The following DMD variants were observed in gnomAD, a reference collection of about 807,000 sequenced individuals.
DMD encodes the protein mutant dystrophin.
DMD carries 63 observed loss-of-function variants against 330.1 expected under a neutral mutation model. The observed-to-expected ratio is 0.19, with a 90% CI of 0.16 to 0.24. The LOEUF is 0.24. DMD is among the 10% of genes least tolerant of loss of function. DMD has a pLI of 1.00. For synonymous variants in DMD, 1,223 were observed against 959.8 expected (o/e 1.27, Z -5.07); for missense variants, 3,344 against 2,684.1 (o/e 1.25, Z -5.43).
intron 55 of DMD, among the ~76,000 whole-genome samples, chrX:31,510,668 T>G (rs781773135): frequency 9.2e-6 from 1 of 108,969 alleles, no homozygotes; most frequent in Non-Finnish European, 1.9e-5. Context: ...CCACCACGCC[T>G]GGCTAATTTT....
At chrX:33,298,230 T>C (rs2053611513) in intron 1 of DMD, among the ~76,000 whole-genome samples, 1 of 111,173 alleles carries the variant, frequency 9.0e-6, no homozygotes, top group South Asian at 3.8e-4. Context: ...AAATAGTTCC[T>C]TCATGTTTTA....
At chrX:31,679,245 T>A in intron 53 of DMD, 130 bp downstream of exon 53, 3 of 617,667 alleles carry the variant, frequency 4.9e-6, no homozygotes, top group East Asian at 3.6e-5. Flanking sequence ...CAAAGTCTAC[T>A]GTTCATTTCA....
intron 1 of DMD, among the ~76,000 whole-genome samples, chrX:33,160,809 G>T (rs1490575137): frequency 9.0e-6 from 1 of 111,340 alleles, no homozygotes; most frequent in African/African-American, 3.3e-5. Flanking sequence ...TTGCCTGCCG[G>T]TGATGATCTA....
intron 47 of DMD, among the ~76,000 whole-genome samples, chrX:31,922,660 G>A (rs907674491): frequency 9.0e-6 from 1 of 111,229 alleles, no homozygotes; most frequent in Non-Finnish European, 1.9e-5. Context: ...CCTGCTGTTT[G>A]GTGTATGGGG....
At chrX:32,726,992 T>TA (rs938152171) in intron 7 of DMD, among the ~76,000 whole-genome samples, 3 of 110,620 alleles carry the variant, frequency 2.7e-5, no homozygotes, top group African/African-American at 9.8e-5. Context: ...GGTAGATTCA[T>TA]AAAGACCTTT....
chrX:31,133,555 C>A (rs1372943403), intron 77 of DMD, among the ~76,000 whole-genome samples: 1 of 111,772 alleles, frequency 8.9e-6, no homozygotes, highest in Non-Finnish European at 1.9e-5. Flanking sequence ...GCCTGTATTT[C>A]CTCTATCGAA....
chrX:32,525,879 T>A (rs1485825704), intron 17 of DMD, among the ~76,000 whole-genome samples: 1 of 112,158 alleles, frequency 8.9e-6, no homozygotes, highest in African/African-American at 3.2e-5. Flanking sequence ...AGGAAAACAC[T>A]GAAGACTTAT....
chrX:33,010,403 G>A (rs903075311), intron 2 of DMD, among the ~76,000 whole-genome samples: 7 of 107,647 alleles, frequency 6.5e-5, no homozygotes, highest in Non-Finnish European at 1.3e-4. Flanking sequence ...AATAGGTATA[G>A]GTTGAGCCTC....
intron 7 of DMD, among the ~76,000 whole-genome samples, chrX:32,706,962 C>A (rs1450010212): frequency 9.1e-6 from 1 of 110,292 alleles, no homozygotes; most frequent in Non-Finnish European, 1.9e-5. Flanking sequence ...TATGGTGGTG[C>A]ATGCCTGTAA....
chrX:31,892,025 T>C (rs1366597358), intron 47 of DMD, among the ~76,000 whole-genome samples: 1 of 112,441 alleles, frequency 8.9e-6, no homozygotes, highest in Non-Finnish European at 1.9e-5. Flanking sequence ...GGACACTTTG[T>C]AGCCAGTATG....
intron 43 of DMD, among the ~76,000 whole-genome samples, chrX:32,254,346 C>CT (rs2148216264): frequency 8.9e-6 from 1 of 112,126 alleles, no homozygotes; most frequent in South Asian, 3.7e-4. Context: ...CTGGCCTATT[C>CT]TTTTTTGTTT....
chrX:31,608,971 A>G (rs1013008155), intron 55 of DMD, among the ~76,000 whole-genome samples: 2 of 112,114 alleles, frequency 1.8e-5, no homozygotes, highest in African/African-American at 6.5e-5. Flanking sequence ...AGCAGATGAT[A>G]TATTGTGGAA....
intron 45 of DMD, among the ~76,000 whole-genome samples, chrX:31,945,548 C>G (rs759711691): frequency 8.9e-6 from 1 of 111,886 alleles, no homozygotes; most frequent in South Asian, 3.8e-4. Flanking sequence ...GGGCCAGGCA[C>G]TATACTATTT....
intron 9 of DMD, among the ~76,000 whole-genome samples, chrX:32,645,757 G>T (rs1012128663): frequency 8.9e-6 from 1 of 112,216 alleles, no homozygotes; most frequent in African/African-American, 3.2e-5. Context: ...GATTTAAATA[G>T]TAAGACATTA....
intron 1 of DMD, among the ~76,000 whole-genome samples, chrX:33,032,566 T>C (rs1271631602): frequency 8.9e-6 from 1 of 112,136 alleles, no homozygotes; most frequent in Non-Finnish European, 1.9e-5. Context: ...AAATGAAGTA[T>C]TAAAAGCTTT....
intron 29 of DMD, among the ~76,000 whole-genome samples, chrX:32,420,998 C>T (rs965464125): frequency 8.9e-5 from 10 of 111,818 alleles, no homozygotes; most frequent in African/African-American, 2.6e-4. Flanking sequence ...CTGTGGTCAA[C>T]TGTAATTCAT....
chrX:31,672,759 T>C (rs1289866119), intron 53 of DMD, among the ~76,000 whole-genome samples: 1 of 112,051 alleles, frequency 8.9e-6, no homozygotes, highest in Non-Finnish European at 1.9e-5. Flanking sequence ...TCTTTATTGA[T>C]ACTCTCTATT....
chrX:32,729,318 A>T (rs1196206343), intron 7 of DMD, among the ~76,000 whole-genome samples: 1 of 112,136 alleles, frequency 8.9e-6, no homozygotes, highest in Non-Finnish European at 1.9e-5. Context: ...TACTCAACAT[A>T]TATTTTGGGG....
chrX:31,512,990 T>A (rs2071790105), intron 55 of DMD, among the ~76,000 whole-genome samples: 1 of 106,189 alleles, frequency 9.4e-6, no homozygotes, highest in Non-Finnish European at 1.9e-5. Context: ...TTCCATTTGT[T>A]TGTGTCCTCT....
Sources: gnomAD v4.1 joint callset for allele counts (sites outside exome capture counted in the v4.1 genomes callset) on GRCh38, gnomAD v4.1.1 for gene constraint, MANE v1.5 for transcripts, NCBI Gene and HGNC (gene_info 2026-07-23, HGNC 2026-07-21) for gene names.